NREP: variants seen among roughly 807,000 people sequenced by gnomAD.
The protein encoded by NREP is neuronal regeneration related protein.
A neutral mutation model predicts 8.6 loss-of-function variants in NREP; 5 were observed. The ratio of observed to expected loss-of-function variants is 0.58; its 90% CI spans 0.30 to 1.22. The LOEUF (loss-of-function observed/expected upper bound fraction) is 1.22, where lower values mean the gene tolerates loss of function less well. Among genes scored for constraint, NREP ranks in the 50% most tolerant of loss-of-function variants. The pLI, the probability that NREP is intolerant of heterozygous loss-of-function variation, is 0.07. For missense variants in NREP, 86 were observed against 82.5 expected, an observed-to-expected ratio of 1.04 and a Z score of -0.17; for synonymous variants, 27 against 28.0, an observed-to-expected ratio of 0.96 and a Z score of 0.11.
chr5:111,960,627 G>T (rs1426524676), intron 2 of NREP, among the ~76,000 whole-genome samples: 1 of 152,132 alleles, frequency 6.6e-6, no homozygotes, highest in Non-Finnish European at 1.5e-5. Context: ...AAATCAAAGG[G>T]CAGTAAAGGT....
At chr5:111,812,499 G>C (rs1752293074) in intron 2 of NREP, among the ~76,000 whole-genome samples, 1 of 151,942 alleles carries the variant, frequency 6.6e-6, no homozygotes. Flanking sequence ...AAATTGCTTT[G>C]GAATTATTAT....
intron 2 of NREP, among the ~76,000 whole-genome samples, chr5:111,779,768 A>G (rs567031686): frequency 6.6e-6 from 1 of 152,306 alleles, no homozygotes; most frequent in Non-Finnish European, 1.5e-5. Context: ...AGTTTATAGG[A>G]CTTAACAGTA....
intron 2 of NREP, among the ~76,000 whole-genome samples, chr5:111,865,868 T>C (rs896500247): frequency 3.3e-5 from 5 of 152,166 alleles, no homozygotes; most frequent in Non-Finnish European, 7.4e-5. Context: ...TGAGCAACTT[T>C]GATCAAAACT....
At chr5:111,842,272 G>T (rs1178557773) in intron 2 of NREP, among the ~76,000 whole-genome samples, 1 of 152,084 alleles carries the variant, frequency 6.6e-6, no homozygotes, top group African/African-American at 2.4e-5. Context: ...CCTGAAATAT[G>T]ATTTGCTATG....
chr5:111,974,058 T>A (rs1756894167), intron 2 of NREP, among the ~76,000 whole-genome samples: 1 of 150,832 alleles, frequency 6.6e-6, no homozygotes, highest in African/African-American at 2.4e-5. Flanking sequence ...CAAGAGTTTA[T>A]ACACAAGCTA....
chr5:111,750,571 TTAATA>T (rs1200844503), intron 2 of NREP, among the ~76,000 whole-genome samples: 2 of 152,220 alleles, frequency 1.3e-5, no homozygotes, highest in African/African-American at 4.8e-5. Flanking sequence ...TTCTACCTTC[TTAATA>T]TAAGTTTTCC....
intron 2 of NREP, among the ~76,000 whole-genome samples, chr5:111,937,270 T>A (rs1755709970): frequency 6.6e-6 from 1 of 151,938 alleles, no homozygotes; most frequent in South Asian, 2.1e-4. Flanking sequence ...CACCCTAGAG[T>A]CCAGGGGTCA....
intron 1 of NREP, 172 bp from the exon 2 acceptor site, chr5:111,756,002 A>T: frequency 1.4e-6 from 2 of 1,397,866 alleles, no homozygotes; most frequent in Non-Finnish European, 9.3e-7. Context: ...AGTGGCCTAT[A>T]GGCTTAACTA....
At chr5:111,748,632 AAG>A (rs1228235526) in intron 2 of NREP, among the ~76,000 whole-genome samples, 1 of 152,160 alleles carries the variant, frequency 6.6e-6, no homozygotes, top group African/African-American at 2.4e-5. Context: ...ACTTTGTAGA[AAG>A]AGAACACCAA....
chr5:111,949,686 T>C (rs928776802), intron 2 of NREP, among the ~76,000 whole-genome samples: 3 of 152,012 alleles, frequency 2.0e-5, no homozygotes, highest in Non-Finnish European at 2.9e-5. Flanking sequence ...GGTGTTTCGT[T>C]TTCTGTTTCT....
intron 2 of NREP, among the ~76,000 whole-genome samples, chr5:111,964,894 A>G (rs902481078): frequency 5.0e-5 from 7 of 139,262 alleles, no homozygotes; most frequent in African/African-American, 2.0e-4. Flanking sequence ...AAAAAAAAAA[A>G]AGAAACCATG....
intron 2 of NREP, among the ~76,000 whole-genome samples, chr5:111,802,554 A>G (rs1480790374): frequency 4.6e-5 from 7 of 152,226 alleles, no homozygotes; most frequent in African/African-American, 1.7e-4. Context: ...GGCCTAGATC[A>G]GCATTGTATT....
At chr5:111,857,573 G>A (rs1481780478) in intron 2 of NREP, among the ~76,000 whole-genome samples, 1 of 152,126 alleles carries the variant, frequency 6.6e-6, no homozygotes, top group Non-Finnish European at 1.5e-5. Flanking sequence ...GTGTATCGGG[G>A]TGATGGGTGT....
intron 2 of NREP, among the ~76,000 whole-genome samples, chr5:111,772,506 T>C (rs1751255330): frequency 6.6e-6 from 1 of 152,152 alleles, no homozygotes; most frequent in Admixed American, 6.6e-5. Context: ...GAGGTTCAGC[T>C]GCAATCAGCA....
rs548467091 is a variant in NREP at position 111,938,596 on chromosome 5, T to C, written c.135+36678A>G. Among the ~76,000 whole-genome samples, 4 of 152,170 alleles carry C rather than the reference T, an allele frequency of 2.6e-5. No homozygotes were observed. The East Asian group carries it at 7.8e-4, about 30-fold the overall frequency. On this transcript the variant is annotated intron_variant, in intron 2 of 3. Coordinates refer to the NREP transcript ENST00000395634. ...TTTGCATTTCAGATCGGTCACTTAC[T>C]GTATGTGTGACCTCTAGAACAAGTT...
At chr5:111,958,575 T>C (rs1482406101) in intron 2 of NREP, among the ~76,000 whole-genome samples, 2 of 151,872 alleles carry the variant, frequency 1.3e-5, no homozygotes, top group South Asian at 4.1e-4. Context: ...TATTAACAAC[T>C]CAGAAGCACA....
intron 2 of NREP, among the ~76,000 whole-genome samples, chr5:111,803,741 C>G (rs1397144185): frequency 3.3e-5 from 5 of 152,058 alleles, no homozygotes. Flanking sequence ...TTTTCATTGT[C>G]ATTTTATGTT....
chr5:111,970,915 C>G (rs1009641802), intron 2 of NREP, among the ~76,000 whole-genome samples: 1 of 149,500 alleles, frequency 6.7e-6, no homozygotes, highest in African/African-American at 2.5e-5. Flanking sequence ...CCTTTCCTTT[C>G]TCTTGCGACA....
chr5:111,767,195 T>TA (rs1751104877), intron 2 of NREP, among the ~76,000 whole-genome samples: 1 of 152,170 alleles, frequency 6.6e-6, no homozygotes, highest in African/African-American at 2.4e-5. Context: ...AGAAATTAGA[T>TA]AAACTGGATT....
Sources: allele counts gnomAD v4.1 joint callset (sites outside exome capture counted in the v4.1 genomes callset), GRCh38; gene constraint gnomAD v4.1.1; transcripts MANE v1.5; gene names NCBI Gene and HGNC (gene_info 2026-07-23, HGNC 2026-07-21).